Variants in PRUNE2 observed in about 807,000 individuals in gnomAD.
PRUNE2 encodes the protein prune homolog 2 with BCH domain.
A neutral mutation model predicts 252.0 loss-of-function variants in PRUNE2; 164 were observed. The observed-to-expected ratio is 0.65, with a 90% CI of 0.57 to 0.74. The LOEUF (loss-of-function observed/expected upper bound fraction) is 0.74. Ranked by LOEUF, PRUNE2 falls within the 30% of genes least tolerant of loss-of-function variation. PRUNE2 has a pLI of 0.00. For missense variants in PRUNE2, 3,495 were observed against 3,711.0 expected, an observed-to-expected ratio of 0.94 and a Z score of 1.51; for synonymous variants, 1,292 against 1,350.2, an observed-to-expected ratio of 0.96 and a Z score of 0.94.
rs2063476643 is a variant in PRUNE2, at chr9:76,906,044, C to T, written c.-81G>A. On this transcript the variant is annotated 5_prime_UTR_variant, in exon 1 of 19. Transcript: ENST00000376718. ...GGCCCAAGGAAGACGAGCGGGGTCC[C>T]GGGAAAGTGGCCCGCCGGGGCGCAG... is the stretch of plus-strand genomic sequence containing the variant. 1 of 1,497,044 alleles carries T rather than the reference C, an allele frequency of 6.7e-7. No individual in the cohort carries two copies. Among genetic ancestry groups the T allele is most frequent in the Non-Finnish European group, 9.3e-7 (1 of 1,075,570 alleles). 92.7% of individuals were successfully genotyped at this position (1,497,044 alleles called of 1,614,324 possible). A position where few individuals can be genotyped will look rare whatever the true frequency, so the allele number is the denominator to read the frequency against.
chr9:76,731,493 G>GT (rs1251009679), intron 6 of PRUNE2, among the ~76,000 whole-genome samples: 4 of 151,472 alleles, frequency 2.6e-5, no homozygotes, highest in Non-Finnish European at 5.9e-5. Flanking sequence ...AGCTAATTTT[G>GT]TTTTTTTATT....
intron 1 of PRUNE2, among the ~76,000 whole-genome samples, chr9:76,875,114 C>G (rs1032730704): frequency 2.0e-5 from 3 of 152,064 alleles, no homozygotes; most frequent in African/African-American, 7.3e-5. Context: ...ACTTTTCAAC[C>G]CCCAAGCCTT....
At chr9:76,646,511 T>C (rs1399375317) in intron 11 of PRUNE2, among the ~76,000 whole-genome samples, 1 of 152,212 alleles carries the variant, frequency 6.6e-6, no homozygotes, top group Non-Finnish European at 1.5e-5. Context: ...CGGCAGCTTA[T>C]CAAGGACACA....
At chr9:76,868,837 T>TGGGGGGGGGGGGGGGGGG (rs111357062) in intron 1 of PRUNE2, 4 of 77,190 alleles carry the variant, frequency 5.2e-5, no homozygotes, top group South Asian at 5.8e-4. Context: ...CCTTGGGGGG[T>TGGGGGGGGGGGGGGGGGG]GGGGGGGGGG....
At chr9:76,845,819 C>A (rs980482845) in intron 4 of PRUNE2, among the ~76,000 whole-genome samples, 3 of 152,262 alleles carry the variant, frequency 2.0e-5, no homozygotes, top group African/African-American at 7.2e-5. Flanking sequence ...GAACAGTGTC[C>A]TCTGTAAGTC....
At chr9:76,691,877 G>A in intron 9 of PRUNE2, 1 of 578,510 alleles carries the variant, frequency 1.7e-6, no homozygotes, top group South Asian at 2.2e-5. Flanking sequence ...TTTCTAGGAT[G>A]AGTGGATACG....
chr9:76,650,531 C>G (rs1846980767), intron 11 of PRUNE2, among the ~76,000 whole-genome samples: 1 of 152,112 alleles, frequency 6.6e-6, no homozygotes, highest in Non-Finnish European at 1.5e-5. Context: ...TAATCCAACC[C>G]TCTTATACAG....
intron 6 of PRUNE2, among the ~76,000 whole-genome samples, chr9:76,750,211 C>T (rs2050495930): frequency 6.6e-6 from 1 of 152,124 alleles, no homozygotes; most frequent in South Asian, 2.1e-4. Flanking sequence ...GTTCTGTGAG[C>T]TGTTCTAGCA....
chr9:76,860,318 T>C lies in PRUNE2; in HGVS notation c.37-6110A>G, dbSNP rs1335193709. Among the ~76,000 whole-genome samples the C allele has an allele frequency of 3.9e-5, 6 of 152,232 alleles. No homozygotes were observed. In the East Asian group the frequency reaches 7.7e-4, roughly 20 times the overall value. ...AATACGAAAACAACAGCAGTATGTCTATTCCTTAGCAAAGTTCAAGCCCTT... is the reference window on the plus strand; with the variant it reads ...AATACGAAAACAACAGCAGTATGTCCATTCCTTAGCAAAGTTCAAGCCCTT... On this transcript the variant is annotated intron_variant, in intron 1 of 18. Coordinates refer to ENST00000376718, the MANE Select transcript of PRUNE2 (RefSeq NM_015225.3).
intron 6 of PRUNE2, among the ~76,000 whole-genome samples, chr9:76,755,339 C>T (rs962227956): frequency 3.3e-5 from 5 of 151,240 alleles, no homozygotes; most frequent in Non-Finnish European, 5.9e-5. Flanking sequence ...AATGAGTAAA[C>T]GAATGAAAAA....
intron 16 of PRUNE2, among the ~76,000 whole-genome samples, chr9:76,628,356 A>G (rs1173885191): frequency 3.3e-5 from 5 of 152,192 alleles, no homozygotes; most frequent in Non-Finnish European, 5.9e-5. Flanking sequence ...CTATTGAGCA[A>G]GGAAACCATT....
chr9:76,613,893 G>A lies in PRUNE2; in HGVS notation c.*677C>T, dbSNP rs532181808. 2.0e-5 allele frequency: 3 copies of A among 151,656 alleles called. No homozygotes were observed. In the East Asian group the frequency reaches 5.9e-4, roughly 30 times the overall value. The allele number at this position is 151,656 out of a possible 1,614,324, so 9.4% of individuals were successfully genotyped here. ...GATTCTTAAATTTCACAATGTGGTG[G>A]TCACCAACATTCATCAGGAAAATGA... On this transcript the variant is annotated 3_prime_UTR_variant, in exon 19 of 19. Transcript: ENST00000376718.
chr9:76,667,981 C>T (rs964524486), intron 9 of PRUNE2, among the ~76,000 whole-genome samples: 1 of 152,140 alleles, frequency 6.6e-6, no homozygotes, highest in Non-Finnish European at 1.5e-5. Context: ...GTTTGACAAC[C>T]GCTGTCCTAG....
At chr9:76,625,404 C>T (rs1834248917) in intron 16 of PRUNE2, among the ~76,000 whole-genome samples, 1 of 152,070 alleles carries the variant, frequency 6.6e-6, no homozygotes, top group African/African-American at 2.4e-5. Context: ...GTGGTCTCTA[C>T]CATCGGGGTG....
intron 9 of PRUNE2, among the ~76,000 whole-genome samples, chr9:76,696,991 T>C (rs573537520): frequency 1.3e-5 from 2 of 152,358 alleles, no homozygotes; most frequent in Admixed American, 1.3e-4. Context: ...TCTTCGTAAA[T>C]ACTCTCTTTA....
chr9:76,807,053 C>CGT (rs1564346622), intron 6 of PRUNE2, among the ~76,000 whole-genome samples: 38 of 107,502 alleles, frequency 3.5e-4, no homozygotes, highest in African/African-American at 1.3e-3. Flanking sequence ...TGTGTGTGTG[C>CGT]GCGCGCGCGT....
At chr9:76,711,392 C>T in intron 7 of PRUNE2, 34 bp from the exon 8 acceptor site, 1 of 1,488,606 alleles carries the variant, frequency 6.7e-7, no homozygotes, top group Non-Finnish European at 9.2e-7. Context: ...TGTCAGCACT[C>T]AAGCACTGTT....
chr9:76,771,641 A>T (rs1261615505), intron 6 of PRUNE2, among the ~76,000 whole-genome samples: 1 of 152,252 alleles, frequency 6.6e-6, no homozygotes, highest in African/African-American at 2.4e-5. Context: ...ACATCAAAGC[A>T]GTTGTACACA....
In PRUNE2 at chr9:76,626,500, C is replaced by T. The variant is rs111500365; in HGVS notation, c.9150-2010G>A. Reference sequence around the variant, plus strand: ...AGGAGATGAATTACAGAAAACAGAACACATGGACATGTGGGCAGCACATGA... The same window carrying T: ...AGGAGATGAATTACAGAAAACAGAATACATGGACATGTGGGCAGCACATGA... On this transcript the variant is annotated intron_variant, in intron 16 of 18. Coordinates refer to ENST00000376718, the MANE Select transcript of PRUNE2 (RefSeq NM_015225.3). Among the ~76,000 whole-genome samples, 124 of 152,318 alleles carry T rather than the reference C, an allele frequency of 8.1e-4. 1 individual carries two copies. The highest frequency in any genetic ancestry group is 2.8e-3 in the African/African-American group (115 of 41,572).
Sources: gnomAD v4.1 joint callset for allele counts (sites outside exome capture counted in the v4.1 genomes callset) on GRCh38, gnomAD v4.1.1 for gene constraint, MANE v1.5 for transcripts, NCBI Gene and HGNC (gene_info 2026-07-23, HGNC 2026-07-21) for gene names.